Variants in TVP23C observed in about 807,000 individuals in gnomAD.
TVP23C encodes the protein Golgi apparatus membrane protein TVP23 homolog C.
Under a neutral mutation model 28.7 loss-of-function variants are expected in TVP23C, and 19 were observed. The observed-to-expected ratio is 0.66, with a 90% CI of 0.46 to 0.97. The LOEUF is 0.97. Among genes scored for constraint, TVP23C ranks in the 50% least tolerant of loss-of-function variants. The pLI is 0.00. For synonymous variants in TVP23C, 68 were observed against 81.7 expected, an observed-to-expected ratio of 0.83 and a Z score of 0.90; for missense variants, 186 against 241.3, an observed-to-expected ratio of 0.77 and a Z score of 1.52.
rs1193423240 is a variant in TVP23C at position 15,510,292 on chromosome 17, G to C, written c.463-7060C>G. Among the ~76,000 whole-genome samples the C allele has an allele frequency of 2.6e-5, 4 of 152,216 alleles. No homozygotes were observed. The South Asian group carries it at 8.3e-4, about 32-fold the overall frequency. ...CTTGAGCTAACAAACAAATCAACAA[G>C]AAATAAGCAAACAACCACATAAAAA... On this transcript the variant is annotated intron_variant, in intron 5 of 5. Coordinates refer to the TVP23C transcript ENST00000225576.
rs1302833440 is a variant in TVP23C, at chr17:15,545,777, A to T, written c.462+8T>A. On this transcript the variant is annotated splice_region_variant and intron_variant, in intron 5 of 5. Coordinates refer to ENST00000518321, the MANE Select transcript of TVP23C (RefSeq NM_001135036.2). ...TGGATTATTTGAAAGTTCTACACTG[A>T]TACTCACCAGCCACTTTACTGTGAA... 6.2e-7 allele frequency: 1 copy of T among 1,612,136 alleles called. No individual in the cohort carries two copies. The highest frequency in any genetic ancestry group is 8.5e-7 in the Non-Finnish European group (1 of 1,179,494).
At position 15,517,290 on chromosome 17, in the gene TVP23C, A is replaced by G. The variant is rs115912826; in HGVS notation, c.463-14058T>C. On this transcript the variant is annotated intron_variant, in intron 5 of 5. Coordinates refer to the TVP23C transcript ENST00000225576. ...CTAAATGTACCTTACTAATATGTGT[A>G]TCCTCCCAGCATCTAACACAGTTTC... Among the ~76,000 whole-genome samples the G allele has an allele frequency of 6.1e-3, 932 of 152,342 alleles. 16 individuals carry two copies. The highest frequency in any genetic ancestry group is 0.021 in the African/African-American group (879 of 41,582).
chr17:15,507,745 A>G (rs1026469792), intron 5 of TVP23C, among the ~76,000 whole-genome samples: 2 of 152,142 alleles, frequency 1.3e-5, no homozygotes, highest in African/African-American at 4.8e-5. Flanking sequence ...AGGCTGATGC[A>G]GGAGAATGGC....
At chr17:15,519,179 A>G (rs1478601864) in intron 5 of TVP23C, among the ~76,000 whole-genome samples, 1 of 152,166 alleles carries the variant, frequency 6.6e-6, no homozygotes, top group Admixed American at 6.5e-5. Flanking sequence ...AAACAGACTA[A>G]TACATCTTTC....
In TVP23C at chr17:15,540,041, CG is replaced by C. The variant is rs1485295195; in HGVS notation, c.*370del. 3 of 1,025,600 alleles carry C rather than the reference CG, an allele frequency of 2.9e-6. No homozygotes were observed. The African/African-American group carries it at 5.2e-5, about 18-fold the overall frequency. 63.5% of individuals were successfully genotyped at this position (1,025,600 alleles called of 1,614,324 possible). ...CCGGGGGGCAGAGGTTGCAGTGAGCCGAGATTGCACCACTGCACTCCAGCCT... is the reference window on the plus strand; with the variant it reads ...CCGGGGGGCAGAGGTTGCAGTGAGCCAGATTGCACCACTGCACTCCAGCCT... On this transcript the variant is annotated 3_prime_UTR_variant, in exon 6 of 6. Coordinates refer to ENST00000518321, the MANE Select transcript of TVP23C (RefSeq NM_001135036.2).
intron 3 of TVP23C, among the ~76,000 whole-genome samples, chr17:15,552,939 T>TATCC (rs1437570399): frequency 6.7e-4 from 102 of 151,394 alleles, no homozygotes; most frequent in Non-Finnish European, 1.6e-4. Context: ...TGTACCTATC[T>TATCC]ATCCATCCAT....
rs1325196996 is a variant in TVP23C at position 15,523,212 on chromosome 17, CCA to C, written c.463-19982_463-19981del. Reference sequence around the variant, plus strand: ...TAGAGATGGGGTTTCACTGTGTTGCCCAGACTGGTCTCGAATGCCTGAGCTCA... The same window carrying C: ...TAGAGATGGGGTTTCACTGTGTTGCCGACTGGTCTCGAATGCCTGAGCTCA... On this transcript the variant is annotated intron_variant, in intron 5 of 5. Transcript: ENST00000225576. Among the ~76,000 whole-genome samples, 20 of 151,540 alleles carry C rather than the reference CCA, an allele frequency of 1.3e-4. No individual in the cohort carries two copies. The East Asian group carries it at 3.9e-3, about 30-fold the overall frequency.
At chr17:15,543,309 G>C (rs991025531) in intron 5 of TVP23C, among the ~76,000 whole-genome samples, 31 of 150,726 alleles carry the variant, frequency 2.1e-4, no homozygotes, top group Non-Finnish European at 2.1e-4. Context: ...CCAGCAGAAA[G>C]AGAAGGGCTG....
intron 3 of TVP23C, among the ~76,000 whole-genome samples, chr17:15,552,866 C>A (rs1308912455): frequency 2.0e-5 from 3 of 150,120 alleles, no homozygotes; most frequent in African/African-American, 7.3e-5. Flanking sequence ...CAGTGAATAC[C>A]CAAATATCTA....
At chr17:15,504,839 G>T (rs566123806) in intron 5 of TVP23C, among the ~76,000 whole-genome samples, 1 of 152,134 alleles carries the variant, frequency 6.6e-6, no homozygotes, top group African/African-American at 2.4e-5. Context: ...CTCCACGGAG[G>T]ATGAGGTTTA....
rs573018840 is a variant in TVP23C at position 15,537,646 on chromosome 17, T to C, written c.*2766A>G. On this transcript the variant is annotated 3_prime_UTR_variant, in exon 6 of 6. Transcript: ENST00000518321. ...GTACATATTAAAAACTAACAATTATTTCTAACTTATACATAAGCCAAAGTG... is the reference window on the plus strand; with the variant it reads ...GTACATATTAAAAACTAACAATTATCTCTAACTTATACATAAGCCAAAGTG... 1.3e-5 allele frequency: 13 copies of C among 985,420 alleles called. No homozygotes were observed. Among genetic ancestry groups the C allele is most frequent in the African/African-American group, 1.0e-4 (6 of 57,370 alleles). The allele number at this position is 985,420 out of a possible 1,614,324, so 61.0% of individuals were successfully genotyped here.
At chr17:15,548,446 T>C (rs1000387972) in intron 3 of TVP23C, among the ~76,000 whole-genome samples, 1 of 152,198 alleles carries the variant, frequency 6.6e-6, no homozygotes, top group Non-Finnish European at 1.5e-5. Context: ...ATTACAGGTG[T>C]AAGCCACCAC....
intron 5 of TVP23C, among the ~76,000 whole-genome samples, chr17:15,524,166 G>A (rs1413636370): frequency 6.7e-6 from 1 of 150,142 alleles, no homozygotes; most frequent in Non-Finnish European, 1.5e-5. Flanking sequence ...TCACCATTTT[G>A]TTCCTGGAGT....
Position 15,545,814 on chromosome 17 carries a change from C to A in TVP23C, c.433G>T (p.Ala145Ser), listed in dbSNP as rs1983620324. Residue 145 changes from alanine to serine, a missense_variant, in exon 5 of 6, where the codon GCA becomes TCA. This residue lies in a region of TVP23C where 74 missense variants were observed against 96.0 expected (regional missense o/e 0.77). Transcript: ENST00000518321. ...CACTTTACTGTGAAGGAGAAGAGTG[C>A]ACTAAAGGCAAATATCACCCACAGT... The part of the protein sequence containing the change: ...SVLWVIFAFS[A>S]LFSFTVKWLA... 1 of 1,613,962 alleles carries A rather than the reference C, an allele frequency of 6.2e-7. No homozygotes were observed. The highest frequency in any genetic ancestry group is 8.5e-7 in the Non-Finnish European group (1 of 1,179,948).
chr17:15,505,448 C>T (rs1242854147), intron 5 of TVP23C, among the ~76,000 whole-genome samples: 3 of 152,188 alleles, frequency 2.0e-5, no homozygotes, highest in African/African-American at 4.8e-5. Context: ...ACTGTTGTTT[C>T]CTTCCTGTAT....
rs1238902632 is a variant in TVP23C at position 15,503,221 on chromosome 17, G to A, written c.474C>T (p.Arg158=). The A allele has an allele frequency of 4.0e-6, 6 of 1,518,322 alleles. No individual in the cohort carries two copies. The African/African-American group carries it at 5.6e-5, about 14-fold the overall frequency. The allele number at this position is 1,518,322 out of a possible 1,614,324, so 94.1% of individuals were successfully genotyped here. Residue 158 remains arginine (R), a synonymous_variant, in exon 6 of 6, where the codon CGC becomes CGT. Coordinates refer to the TVP23C transcript ENST00000225576. ...CTTTCAGACCAGTCTGGGCAATGTG[G>A]CGAGACCGTCTCTACAAAAAATAAA... is the stretch of plus-strand genomic sequence containing the variant.
chr17:15,506,804 G>C (rs955496953), intron 5 of TVP23C: 11 of 530,466 alleles, frequency 2.1e-5, no homozygotes, highest in Non-Finnish European at 3.5e-6. Flanking sequence ...TCACCGCGAG[G>C]GTCCGCGGCT....
chr17:15,559,105 C>T (rs986603903), intron 1 of TVP23C, among the ~76,000 whole-genome samples: 1 of 147,978 alleles, frequency 6.8e-6, no homozygotes, highest in African/African-American at 2.4e-5. Context: ...CGATTAGAGG[C>T]ATGAGCCACC....
At chr17:15,544,180 A>G (rs1162850225) in intron 5 of TVP23C, among the ~76,000 whole-genome samples, 1 of 152,172 alleles carries the variant, frequency 6.6e-6, no homozygotes, top group African/African-American at 2.4e-5. Flanking sequence ...TCCTCCAAAA[A>G]GAAACAAACT....
Sources: gnomAD v4.1 joint callset for allele counts (sites outside exome capture counted in the v4.1 genomes callset) on GRCh38, gnomAD v4.1.1 for gene constraint, gnomAD v4.1.1 regional missense constraint, MANE v1.5 for transcripts, NCBI Gene and HGNC (gene_info 2026-07-23, HGNC 2026-07-21) for gene names.